The following MMP15 variants were observed in gnomAD, a reference collection of about 807,000 sequenced individuals.
The protein encoded by MMP15 is matrix metallopeptidase 15, also known as matrix metalloproteinase-15.
MMP15 carries 36 observed loss-of-function variants against 65.0 expected under a neutral mutation model. The observed-to-expected ratio is 0.55, with a 90% CI of 0.42 to 0.73. MMP15 has a LOEUF of 0.73. Ranked by LOEUF, MMP15 falls within the 30% of genes least tolerant of loss-of-function variation. The pLI is 0.00. For synonymous variants in MMP15, 428 were observed against 410.2 expected (o/e 1.04, Z -0.52); for missense variants, 870 against 987.8 (o/e 0.88, Z 1.60).
chr16:58,041,674 G>A lies in MMP15; in HGVS notation c.968G>A (p.Arg323Gln), dbSNP rs200994796. The A allele has an allele frequency of 8.9e-4, 1,400 of 1,578,380 alleles. 10 individuals carry two copies. In the African/African-American group the frequency reaches 0.016, roughly 18 times the overall value. Residue 323 changes from arginine to glutamine, a missense_variant, in exon 6 of 10, where the codon CGG (arginine) becomes CAG (glutamine). Physicochemically the swap from Arg to Gln is conservative, Grantham distance 43 (BLOSUM62 1). Transcript: ENST00000219271. ...TQPLPTVTPR[R>Q]PGRPDHRPPR... Reference sequence around the variant, plus strand: ...CCTCTCCCCACTGTGACGCCACGGCGGCCAGGCCGGCCTGACCACCGGCCG... The same window carrying A: ...CCTCTCCCCACTGTGACGCCACGGCAGCCAGGCCGGCCTGACCACCGGCCG...
At position 58,045,513 on chromosome 16, in the gene MMP15, C is replaced by T. The variant is rs1597068182; in HGVS notation, c.*67C>T. The T allele has an allele frequency of 2.2e-6, 3 of 1,387,792 alleles. No homozygotes were observed. Among genetic ancestry groups the T allele is most frequent in the African/African-American group, 1.4e-5 (1 of 69,018 alleles). The allele number at this position is 1,387,792 out of a possible 1,614,324, so 86.0% of individuals were successfully genotyped here. ...GGTTCTGAGATGGCTCCCAGGGGCT[C>T]CCTCCGCCCCCAGGTAGGGGCCCCT... On this transcript the variant is annotated 3_prime_UTR_variant, in exon 10 of 10. Coordinates refer to ENST00000219271, the MANE Select transcript of MMP15 (RefSeq NM_002428.4).
At chr16:58,031,913 G>A (rs1220784332) in intron 1 of MMP15, among the ~76,000 whole-genome samples, 1 of 123,910 alleles carries the variant, frequency 8.1e-6, no homozygotes, top group Admixed American at 1.1e-4. Context: ...TGTGGCCCAG[G>A]CTGGAGTGCA....
rs768037396 is a variant in MMP15 at position 58,045,370 on chromosome 16, C to T, written c.1934C>T (p.Ala645Val). The T allele has an allele frequency of 7.5e-6, 12 of 1,595,634 alleles. No homozygotes were observed. The highest frequency in any genetic ancestry group is 6.7e-5 in the African/African-American group (5 of 74,796). The change falls in exon 10 of 10, where the codon GCG (alanine) becomes GTG (valine). Residue 645 changes from alanine to valine, a missense_variant. Physicochemically the swap from Ala to Val is moderately conservative, Grantham distance 64. Coordinates refer to ENST00000219271, the MANE Select transcript of MMP15 (RefSeq NM_002428.4). ...CTCTGCGTCCTGGGCCTCACCTACGCGCTGGTGCAGATGCAGCGCAAGGGT... is the reference window on the plus strand; with the variant it reads ...CTCTGCGTCCTGGGCCTCACCTACGTGCTGGTGCAGATGCAGCGCAAGGGT... ...LLLCVLGLTY[A>V]LVQMQRKGAP...
In MMP15 at chr16:58,031,972, A is replaced by G. The variant is rs191289373; in HGVS notation, c.162+5460A>G. Among the ~76,000 whole-genome samples the G allele has an allele frequency of 2.9e-4, 41 of 142,646 alleles. No homozygotes were observed. In the East Asian group the frequency reaches 4.6e-3, roughly 16 times the overall value. The allele number at this position is 142,646 out of a possible 152,430, so 93.6% of individuals were successfully genotyped here. A position where few individuals can be genotyped will look rare whatever the true frequency, so the allele number is the denominator to read the frequency against. On this transcript the variant is annotated intron_variant, in intron 1 of 9. Coordinates refer to ENST00000219271, the MANE Select transcript of MMP15 (RefSeq NM_002428.4). ...AACCTCCGCCTCCCAGGTTCAGGCAATTCTCCTGCTTCAGCCTCCCAAGTA... is the reference window on the plus strand; with the variant it reads ...AACCTCCGCCTCCCAGGTTCAGGCAGTTCTCCTGCTTCAGCCTCCCAAGTA...
Position 58,045,160 on chromosome 16 carries a change from C to A in MMP15, c.1724C>A (p.Pro575Gln). ...CCCCGATGGCCCGACGTGGCCCGGC[C>A]GCCCTTCAACCCCCACGGGGGTGCA... The part of the protein sequence containing the change: ...PGPRWPDVAR[P>Q]PFNPHGGAEP... The change falls in exon 10 of 10, where the codon CCG (proline) becomes CAG (glutamine). Residue 575 changes from proline (P) to glutamine (Q), a missense_variant. By Grantham distance (76) the Pro-to-Gln change is moderately conservative. Coordinates refer to ENST00000219271, the MANE Select transcript of MMP15 (RefSeq NM_002428.4). 1 of 1,595,714 alleles carries A rather than the reference C, an allele frequency of 6.3e-7. No homozygotes were observed. The highest frequency in any genetic ancestry group is 8.5e-7 in the Non-Finnish European group (1 of 1,171,618).
chr16:58,045,140 A>G lies in MMP15; in HGVS notation c.1704A>G (p.Arg568=), dbSNP rs1269739408. Residue 568 remains arginine, a synonymous_variant, in exon 10 of 10, where the codon CGA becomes CGG. Transcript: ENST00000219271. The part of the protein sequence containing the change: ...GCQEHVEPGP[R]WPDVARPPFN... ...AGGAGCACGTGGAGCCAGGCCCCCG[A>G]TGGCCCGACGTGGCCCGGCCGCCCT... is the stretch of plus-strand genomic sequence containing the variant. 6.2e-7 allele frequency: 1 copy of G among 1,603,042 alleles called. No homozygotes were observed. The highest frequency in any genetic ancestry group is 8.5e-7 in the Non-Finnish European group (1 of 1,175,076).
Position 58,040,968 on chromosome 16 carries a change from C to T in MMP15, c.910+270C>T, listed in dbSNP as rs148346465. 3.8e-5 allele frequency: 21 copies of T among 549,440 alleles called. 1 individual carries two copies. Among genetic ancestry groups the T allele is most frequent in the African/African-American group, 3.6e-4 (19 of 53,052 alleles). The allele number at this position is 549,440 out of a possible 1,614,324, so 34.0% of individuals were successfully genotyped here. A position where few individuals can be genotyped will look rare whatever the true frequency, so the allele number is the denominator to read the frequency against. ...AGGTTCTTCATGACCCTCCTCTCCT[C>T]CTCACCCTTGGCAGTATTCTTACTA... On this transcript the variant is annotated intron_variant, in intron 5 of 9. Coordinates refer to ENST00000219271, the MANE Select transcript of MMP15 (RefSeq NM_002428.4).
chr16:58,042,013 G>A, intron 6 of MMP15, 143 bp downstream of exon 6: 1 of 1,188,932 alleles, frequency 8.4e-7, no homozygotes. Context: ...AGAGGTTGAG[G>A]GACTTGCCCA....
At chr16:58,029,077 C>CA (rs1963862789) in intron 1 of MMP15, among the ~76,000 whole-genome samples, 1 of 152,232 alleles carries the variant, frequency 6.6e-6, no homozygotes, top group East Asian at 1.9e-4. Context: ...CTCAGGCTGC[C>CA]AGAGTTCACA....
chr16:58,031,572 GT>G (rs1439999321), intron 1 of MMP15, among the ~76,000 whole-genome samples: 3 of 152,166 alleles, frequency 2.0e-5, no homozygotes, highest in Non-Finnish European at 4.4e-5. Flanking sequence ...AGGGAACCCG[GT>G]TGTTTTTTCC....
intron 1 of MMP15, among the ~76,000 whole-genome samples, chr16:58,027,634 C>T (rs1015368381): frequency 3.3e-5 from 5 of 152,160 alleles, no homozygotes; most frequent in Non-Finnish European, 7.4e-5. Flanking sequence ...CCCACCTCTC[C>T]GGGCTGCCTG....
intron 1 of MMP15, among the ~76,000 whole-genome samples, chr16:58,032,776 CA>C (rs1959258194): frequency 6.6e-6 from 1 of 151,736 alleles, no homozygotes; most frequent in South Asian, 2.1e-4. Flanking sequence ...GTAAGGACCT[CA>C]CAAGGCCACA....
chr16:58,037,508 A>G lies in MMP15; in HGVS notation c.199A>G (p.Ser67Gly). The G allele has an allele frequency of 2.5e-6, 4 of 1,613,500 alleles. No homozygotes were observed. Among genetic ancestry groups the G allele is most frequent in the Non-Finnish European group, 3.4e-6 (4 of 1,180,010 alleles). ...GCTTTATGGCTACCTGCCTCAGCCC[A>G]GCCGCCATATGTCCACCATGCGTTC... is the stretch of plus-strand genomic sequence containing the variant. ...LRLYGYLPQPSRHMSTMRSAQ... is the reference protein window; with the variant it reads ...LRLYGYLPQPGRHMSTMRSAQ... Residue 67 changes from serine to glycine, a missense_variant, in exon 2 of 10, where the codon AGC becomes GGC. Ser to Gly is a moderately conservative substitution (Grantham distance 56). Transcript: ENST00000219271.
At position 58,038,247 on chromosome 16, in the gene MMP15, C is replaced by T. The variant is rs1474126111; in HGVS notation, c.312-19C>T. 7.4e-6 allele frequency: 12 copies of T among 1,613,062 alleles called. 1 individual carries two copies. The Admixed American group carries it at 1.7e-4, about 22-fold the overall frequency. On this transcript the variant is annotated intron_variant, in intron 2 of 9. Transcript: ENST00000219271. ...TGGAGGGGAGGCTCCGTGCTCACCC[C>T]TCTGTGTCCATGTCCCAGGTGGATG...
At chr16:58,038,135 G>C in intron 2 of MMP15, 131 bp from the exon 3 acceptor site, 1 of 1,234,804 alleles carries the variant, frequency 8.1e-7, no homozygotes, top group Non-Finnish European at 1.1e-6. Context: ...TTGAAGCTGA[G>C]AGTCCCCCAT....
rs2304489 is a variant in MMP15 at position 58,039,941 on chromosome 16, C to A, written c.507C>A (p.Arg169=). 2.5e-6 allele frequency: 4 copies of A among 1,613,202 alleles called. No individual in the cohort carries two copies. Among genetic ancestry groups the A allele is most frequent in the Non-Finnish European group, 8.5e-7 (1 of 1,179,804 alleles). ...TGGAGGCGGTGCGCAGGGCCTTCCG[C>A]GTGTGGGAGCAGGCCACGCCCCTGG... The part of the protein sequence containing the change: ...HSMEAVRRAF[R]VWEQATPLVF... The change falls in exon 4 of 10, where the codon CGC becomes CGA. Residue 169 remains arginine, a synonymous_variant. Coordinates refer to ENST00000219271, the MANE Select transcript of MMP15 (RefSeq NM_002428.4).
Position 58,043,344 on chromosome 16 carries a change from T to G in MMP15, c.1438T>G (p.Phe480Val). The G allele has an allele frequency of 6.2e-7, 1 of 1,605,634 alleles. No homozygotes were observed. The highest frequency in any genetic ancestry group is 8.5e-7 in the Non-Finnish European group (1 of 1,175,078). The stretch of plus-strand genomic sequence containing the variant: ...GTGGGAGCCCACAGGCCACACCTTC[T>G]TCTTCCAAGAGGACAGGTGAGCAGT... ...IWWEPTGHTFFFQEDRYWRFN... is the reference protein window; with the variant it reads ...IWWEPTGHTFVFQEDRYWRFN... The change falls in exon 8 of 10, where the codon TTC becomes GTC. Residue 480 changes from phenylalanine to valine, a missense_variant. By Grantham distance (50) the Phe-to-Val change is conservative (BLOSUM62 -1). Transcript: ENST00000219271.
intron 1 of MMP15, among the ~76,000 whole-genome samples, chr16:58,029,099 A>G (rs1273767982): frequency 1.3e-5 from 2 of 152,164 alleles, no homozygotes; most frequent in African/African-American, 4.8e-5. Flanking sequence ...GGGTGGTGCC[A>G]CCACCACCAA....
chr16:58,037,525 C>A lies in MMP15; in HGVS notation c.216C>A (p.Thr72=). The A allele has an allele frequency of 6.2e-7, 1 of 1,614,178 alleles. No homozygotes were observed. Among genetic ancestry groups the A allele is most frequent in the Non-Finnish European group, 8.5e-7 (1 of 1,180,036 alleles). The change falls in exon 2 of 10, where the codon ACC becomes ACA. Residue 72 remains threonine (T), a synonymous_variant. Coordinates refer to ENST00000219271, the MANE Select transcript of MMP15 (RefSeq NM_002428.4). ...YLPQPSRHMS[T]MRSAQILASA... ...CTCAGCCCAGCCGCCATATGTCCAC[C>A]ATGCGTTCCGCCCAGATCTTGGCCT... is the stretch of plus-strand genomic sequence containing the variant.
Sources: allele counts gnomAD v4.1 joint callset (sites outside exome capture counted in the v4.1 genomes callset), GRCh38; gene constraint gnomAD v4.1.1; transcripts MANE v1.5; gene names NCBI Gene and HGNC (gene_info 2026-07-23, HGNC 2026-07-21).